Variants in RGS7BP observed in about 807,000 individuals in gnomAD.
RGS7BP encodes the protein regulator of G protein signaling 7 binding protein.
Under a neutral mutation model 31.3 loss-of-function variants are expected in RGS7BP, and 9 were observed. That is an observed-to-expected ratio of 0.29 (90% CI 0.17 to 0.50). The LOEUF is 0.50. Ranked by LOEUF, RGS7BP falls within the 20% of genes least tolerant of loss-of-function variation. The probability of loss-of-function intolerance (pLI) is 0.98; values close to 1 mark genes in which losing one functional copy is unlikely to be tolerated. For missense variants in RGS7BP, 274 were observed against 322.0 expected (o/e 0.85, Z 1.14); for synonymous variants, 115 against 120.1 (o/e 0.96, Z 0.28).
At chr5:64,546,949 A>G (rs2111826014) in intron 2 of RGS7BP, among the ~76,000 whole-genome samples, 1 of 152,312 alleles carries the variant, frequency 6.6e-6, no homozygotes, top group African/African-American at 2.4e-5. Context: ...CCCCAAGAGG[A>G]ATTCAACCTC....
Position 64,609,345 on chromosome 5 carries a change from T to G in RGS7BP, c.*93T>G. ...AGCTGAACCACACAGTTATTGGTTTTTGACTATGTTTTCTATGCTTCCTTA... is the reference window on the plus strand; with the variant it reads ...AGCTGAACCACACAGTTATTGGTTTGTGACTATGTTTTCTATGCTTCCTTA... On this transcript the variant is annotated 3_prime_UTR_variant, in exon 6 of 6. Transcript: ENST00000334025. The G allele has an allele frequency of 1.3e-6, 1 of 757,022 alleles. No individual in the cohort carries two copies. The highest frequency in any genetic ancestry group is 2.4e-6 in the Non-Finnish European group (1 of 415,842). The allele number at this position is 757,022 out of a possible 1,614,324, so 46.9% of individuals were successfully genotyped here.
At chr5:64,606,337 G>C (rs1189496885) in intron 5 of RGS7BP, among the ~76,000 whole-genome samples, 1 of 151,662 alleles carries the variant, frequency 6.6e-6, no homozygotes, top group African/African-American at 2.4e-5. Context: ...AAACACATCA[G>C]AGTTGCATTC....
intron 2 of RGS7BP, among the ~76,000 whole-genome samples, chr5:64,530,525 G>A (rs1352589272): frequency 6.6e-6 from 1 of 152,144 alleles, no homozygotes; most frequent in East Asian, 1.9e-4. Flanking sequence ...TCTTGCTCAA[G>A]GTCACAAAGG....
intron 2 of RGS7BP, among the ~76,000 whole-genome samples, chr5:64,539,109 G>A (rs999934549): frequency 5.3e-5 from 8 of 151,972 alleles, no homozygotes; most frequent in Non-Finnish European, 1.2e-4. Context: ...TTTTTAATTT[G>A]CGTTCCCCTA....
At chr5:64,572,634 T>G (rs1210097692) in intron 2 of RGS7BP, among the ~76,000 whole-genome samples, 1 of 152,144 alleles carries the variant, frequency 6.6e-6, no homozygotes, top group African/African-American at 2.4e-5. Context: ...AGATTTATGA[T>G]GCAACCTTAG....
intron 4 of RGS7BP, 77 bp downstream of exon 4, chr5:64,594,934 T>C (rs2111959356): frequency 6.8e-7 from 1 of 1,465,484 alleles, no homozygotes; most frequent in African/African-American, 1.4e-5. Flanking sequence ...AGAGACGAGG[T>C]TTTCTAGTTC....
At chr5:64,551,244 T>C (rs888034118) in intron 2 of RGS7BP, among the ~76,000 whole-genome samples, 1 of 151,016 alleles carries the variant, frequency 6.6e-6, no homozygotes, top group Non-Finnish European at 1.5e-5. Flanking sequence ...ATTTTTTTTA[T>C]TTTTTTATTT....
intron 2 of RGS7BP, among the ~76,000 whole-genome samples, chr5:64,526,582 C>T (rs1384751554): frequency 6.6e-6 from 1 of 152,144 alleles, no homozygotes; most frequent in Non-Finnish European, 1.5e-5. Context: ...TCCAACTTCC[C>T]TGCAACCAAA....
intron 3 of RGS7BP, among the ~76,000 whole-genome samples, chr5:64,577,154 C>T (rs1396270445): frequency 6.6e-6 from 1 of 152,164 alleles, no homozygotes; most frequent in Non-Finnish European, 1.5e-5. Context: ...AAAACCAAAT[C>T]TTGGCCAGGC....
At chr5:64,583,684 TGA>T (rs1306699057) in intron 3 of RGS7BP, among the ~76,000 whole-genome samples, 3 of 152,178 alleles carry the variant, frequency 2.0e-5, no homozygotes, top group African/African-American at 7.2e-5. Context: ...ACCTGAGACT[TGA>T]ACGACAAGAA....
intron 2 of RGS7BP, among the ~76,000 whole-genome samples, chr5:64,510,910 G>A (rs1748815492): frequency 6.6e-6 from 1 of 152,166 alleles, no homozygotes; most frequent in Non-Finnish European, 1.5e-5. Flanking sequence ...GCTCTGTGTA[G>A]GAATACAAGT....
intron 2 of RGS7BP, among the ~76,000 whole-genome samples, chr5:64,572,980 C>A (rs1742334616): frequency 8.8e-6 from 1 of 114,248 alleles, no homozygotes; most frequent in African/African-American, 3.4e-5. Context: ...CCCCCCACCC[C>A]ACAACAGTCC....
intron 2 of RGS7BP, among the ~76,000 whole-genome samples, chr5:64,518,543 C>T (rs1450469237): frequency 6.6e-6 from 1 of 152,064 alleles, no homozygotes; most frequent in Admixed American, 6.5e-5. Context: ...AACATTTGAA[C>T]TGAATATCTG....
At chr5:64,577,220 C>CTT (rs1317092198) in intron 3 of RGS7BP, among the ~76,000 whole-genome samples, 2 of 152,016 alleles carry the variant, frequency 1.3e-5, no homozygotes, top group African/African-American at 2.4e-5. Flanking sequence ...GGGCAGATCA[C>CTT]GAGGTCAGGA....
chr5:64,517,733 A>C (rs1173597018), intron 2 of RGS7BP, among the ~76,000 whole-genome samples: 1 of 152,214 alleles, frequency 6.6e-6, no homozygotes, highest in Non-Finnish European at 1.5e-5. Flanking sequence ...CATGGAAAAG[A>C]TATGAAGTTT....
At chr5:64,534,330 T>C (rs1229003510) in intron 2 of RGS7BP, among the ~76,000 whole-genome samples, 1 of 152,124 alleles carries the variant, frequency 6.6e-6, no homozygotes, top group African/African-American at 2.4e-5. Context: ...AGGGCCTCGC[T>C]AGGTCACAAG....
intron 2 of RGS7BP, among the ~76,000 whole-genome samples, chr5:64,573,321 A>G (rs1742343203): frequency 6.6e-6 from 1 of 152,100 alleles, no homozygotes; most frequent in Non-Finnish European, 1.5e-5. Context: ...AACTAAATAT[A>G]CTGGTTCTTA....
intron 2 of RGS7BP, among the ~76,000 whole-genome samples, chr5:64,551,285 T>A (rs898780846): frequency 6.7e-6 from 1 of 149,858 alleles, no homozygotes; most frequent in African/African-American, 2.5e-5. Flanking sequence ...TTTTTTGAGA[T>A]GGAGTCTCAC....
intron 2 of RGS7BP, among the ~76,000 whole-genome samples, chr5:64,527,606 T>TAAAAAAAAAAA (rs59081277): frequency 1.5e-4 from 13 of 86,482 alleles, no homozygotes; most frequent in African/African-American, 2.1e-4. Context: ...CTTATAACAG[T>TAAAAAAAAAAA]AAAAAAAAAA....
Sources: gnomAD v4.1 joint callset for allele counts (sites outside exome capture counted in the v4.1 genomes callset) on GRCh38, gnomAD v4.1.1 for gene constraint, MANE v1.5 for transcripts, NCBI Gene and HGNC (gene_info 2026-07-23, HGNC 2026-07-21) for gene names.